The following ADARB2 variants were observed in gnomAD, a reference collection of about 807,000 sequenced individuals.
The protein encoded by ADARB2 is inactive double-stranded RNA-specific editase B2.
ADARB2 carries 25 observed loss-of-function variants against 62.2 expected under a neutral mutation model. That is an observed-to-expected ratio of 0.40 (90% confidence interval 0.29 to 0.56). The LOEUF is 0.56. ADARB2 is among the 20% of genes least tolerant of loss of function. The pLI, the probability that ADARB2 is intolerant of heterozygous loss-of-function variation, is 0.43. For synonymous variants in ADARB2, 572 were observed against 500.8 expected, an observed-to-expected ratio of 1.14 and a Z score of -1.90; for missense variants, 1,071 against 1,077.4, an observed-to-expected ratio of 0.99 and a Z score of 0.08.
intron 7 of ADARB2, among the ~76,000 whole-genome samples, chr10:1,211,664 T>A (rs1446940381): frequency 6.6e-6 from 1 of 152,052 alleles, no homozygotes; most frequent in Non-Finnish European, 1.5e-5. Context: ...GCTTTCCAAT[T>A]TCCATGGTGT....
Position 1,281,493 on chromosome 10 carries a change from T to C in ADARB2, c.1078-10424A>G, listed in dbSNP as rs577006981. Among the ~76,000 whole-genome samples, 16 of 152,376 alleles carry C rather than the reference T, an allele frequency of 1.1e-4. No homozygotes were observed. In the South Asian group the frequency reaches 3.1e-3, roughly 30 times the overall value. ...GGTCGATCCTGGTCCAATGGAAAGA[T>C]ATGGATTGGATAGCTCCAGCACTTG... On this transcript the variant is annotated intron_variant, in intron 3 of 9. Transcript: ENST00000381312.
At chr10:1,268,363 T>G (rs1831227536) in intron 4 of ADARB2, among the ~76,000 whole-genome samples, 1 of 151,794 alleles carries the variant, frequency 6.6e-6, no homozygotes. Flanking sequence ...AATAAAAACT[T>G]CTGTTCATAA....
intron 8 of ADARB2, among the ~76,000 whole-genome samples, chr10:1,198,939 T>C (rs140933734): frequency 1.4e-4 from 21 of 152,298 alleles, no homozygotes; most frequent in Admixed American, 5.9e-4. Flanking sequence ...TTCCTTGTGC[T>C]GCGCAAGCTT....
chr10:1,456,807 T>C (rs1831101634), intron 1 of ADARB2, among the ~76,000 whole-genome samples: 1 of 152,216 alleles, frequency 6.6e-6, no homozygotes, highest in Admixed American at 6.5e-5. Flanking sequence ...TTTGTGTTTT[T>C]CTTTTGAGAC....
At chr10:1,411,739 G>T (rs768633212) in intron 1 of ADARB2, among the ~76,000 whole-genome samples, 1 of 152,170 alleles carries the variant, frequency 6.6e-6, no homozygotes, top group Non-Finnish European at 1.5e-5. Context: ...GGCCACTGTA[G>T]GTGCTTCCTG....
intron 1 of ADARB2, among the ~76,000 whole-genome samples, chr10:1,391,685 T>C (rs1234532668): frequency 6.6e-6 from 1 of 152,122 alleles, no homozygotes; most frequent in African/African-American, 2.4e-5. Flanking sequence ...TGGAAACTTA[T>C]TCATGTGAAA....
chr10:1,434,931 C>T (rs1429743940), intron 1 of ADARB2, among the ~76,000 whole-genome samples: 1 of 152,236 alleles, frequency 6.6e-6, no homozygotes, highest in East Asian at 1.9e-4. Flanking sequence ...ACTCCTTCCT[C>T]CTCAGTTCAT....
chr10:1,442,184 T>A lies in ADARB2; in HGVS notation c.101-63024A>T, dbSNP rs114033685. 2.6e-3 allele frequency among the ~76,000 whole-genome samples: 394 copies of A among 152,368 alleles called. 2 individuals are homozygous for A. The highest frequency in any genetic ancestry group is 8.7e-3 in the African/African-American group (363 of 41,588). On this transcript the variant is annotated intron_variant, in intron 1 of 9. Transcript: ENST00000381312. ...GCAACAGCTTATCTCCTTATTACCC[T>A]GTCCCAATAAATAGTTTCCCTTTTT...
chr10:1,364,324 GC>G (rs142776111), intron 2 of ADARB2, among the ~76,000 whole-genome samples: 6,509 of 152,156 alleles, frequency 0.043, 437 homozygotes, highest in African/African-American at 0.15. Flanking sequence ...GGTGCCCAAT[GC>G]CCCCCCAATA....
At chr10:1,693,140 T>G (rs1337834940) in intron 1 of ADARB2, among the ~76,000 whole-genome samples, 1 of 152,194 alleles carries the variant, frequency 6.6e-6, no homozygotes, top group Non-Finnish European at 1.5e-5. Flanking sequence ...TATCTCTAAT[T>G]ATGGAACAAA....
chr10:1,503,101 C>T (rs1216548265), intron 1 of ADARB2, among the ~76,000 whole-genome samples: 1 of 152,210 alleles, frequency 6.6e-6, no homozygotes, highest in African/African-American at 2.4e-5. Context: ...GCAGCTATCT[C>T]CACTATTTAG....
chr10:1,286,114 G>A (rs1236068032), intron 3 of ADARB2, among the ~76,000 whole-genome samples: 3 of 152,112 alleles, frequency 2.0e-5, no homozygotes, highest in African/African-American at 7.2e-5. Flanking sequence ...ACTGGAGAGA[G>A]CCAAGAGGGG....
At chr10:1,223,868 A>G (rs919967100) in intron 6 of ADARB2, among the ~76,000 whole-genome samples, 2 of 152,186 alleles carry the variant, frequency 1.3e-5, no homozygotes, top group African/African-American at 4.8e-5. Flanking sequence ...CATCAAGGAT[A>G]TTGGTCTAAA....
chr10:1,395,947 T>G (rs919798842), intron 1 of ADARB2, among the ~76,000 whole-genome samples: 1 of 152,180 alleles, frequency 6.6e-6, no homozygotes, highest in African/African-American at 2.4e-5. Flanking sequence ...TCGTGAACCC[T>G]CCTAGCAGGG....
At chr10:1,416,457 G>A (rs1832802960) in intron 1 of ADARB2, among the ~76,000 whole-genome samples, 2 of 152,226 alleles carry the variant, frequency 1.3e-5, no homozygotes, top group South Asian at 2.1e-4. Context: ...AGTCAGCACA[G>A]GAGGCCCAGA....
intron 1 of ADARB2, among the ~76,000 whole-genome samples, chr10:1,663,371 C>T (rs879755633): frequency 5.9e-5 from 9 of 152,220 alleles, no homozygotes; most frequent in Admixed American, 2.0e-4. Flanking sequence ...ATCTCCCCGC[C>T]GTGGCTGCTA....
intron 1 of ADARB2, among the ~76,000 whole-genome samples, chr10:1,518,773 G>T (rs1370490954): frequency 6.6e-6 from 1 of 151,954 alleles, no homozygotes; most frequent in Non-Finnish European, 1.5e-5. Context: ...TCTGCATGTG[G>T]TGTGGTCATA....
chr10:1,418,888 G>A lies in ADARB2; in HGVS notation c.101-39728C>T, dbSNP rs1224215902. On this transcript the variant is annotated intron_variant, in intron 1 of 9. Transcript: ENST00000381312. ...TTGGAAAATTTCCCTTTTCTGTTTT[G>A]TGCGTGCTGTCGGAAACCAGCCAAG... 5.3e-5 allele frequency among the ~76,000 whole-genome samples: 8 copies of A among 151,942 alleles called. No homozygotes were observed. In the East Asian group the frequency reaches 1.2e-3, roughly 22 times the overall value.
intron 1 of ADARB2, among the ~76,000 whole-genome samples, chr10:1,613,844 A>T (rs550272422): frequency 2.2e-4 from 34 of 152,380 alleles, no homozygotes; most frequent in South Asian, 4.1e-4. Flanking sequence ...CAGTGGTTAA[A>T]TGTGCGCGGG....
Sources: gnomAD v4.1 joint callset for allele counts (sites outside exome capture counted in the v4.1 genomes callset) on GRCh38, gnomAD v4.1.1 for gene constraint, MANE v1.5 for transcripts, NCBI Gene and HGNC (gene_info 2026-07-23, HGNC 2026-07-21) for gene names.